POLR3A: variants seen among roughly 807,000 people sequenced by gnomAD.
POLR3A encodes the protein RNA polymerase III subunit A.
In POLR3A, 112 loss-of-function variants were observed where a neutral mutation model predicts 152.8. That is an observed-to-expected ratio of 0.73 (90% CI 0.63 to 0.86). The LOEUF (loss-of-function observed/expected upper bound fraction) is 0.86. Among genes scored for constraint, POLR3A ranks in the 40% least tolerant of loss-of-function variants. The pLI, the probability that POLR3A is intolerant of heterozygous loss-of-function variation, is 0.00. For missense variants in POLR3A, 1,385 were observed against 1,743.1 expected, an observed-to-expected ratio of 0.79 and a Z score of 3.66; for synonymous variants, 615 against 652.1, an observed-to-expected ratio of 0.94 and a Z score of 0.87.
At chr10:77,998,538 A>T (rs181756049) in intron 19 of POLR3A, among the ~76,000 whole-genome samples, 5 of 152,364 alleles carry the variant, frequency 3.3e-5, no homozygotes, top group African/African-American at 1.2e-4. Flanking sequence ...CAGCCAAAGG[A>T]CACATGAAAC....
intron 29 of POLR3A, among the ~76,000 whole-genome samples, chr10:77,981,153 A>T (rs1273933177): frequency 2.0e-5 from 3 of 152,124 alleles, no homozygotes; most frequent in Non-Finnish European, 4.4e-5. Context: ...TTAGGATGAC[A>T]TTCAGGATGA....
In POLR3A at chr10:78,029,413, C is replaced by A. The variant is rs777407560; in HGVS notation, c.-6G>T. On this transcript the variant is annotated 5_prime_UTR_variant, in exon 1 of 31. Coordinates refer to ENST00000372371, the MANE Select transcript of POLR3A (RefSeq NM_007055.4). ...CGGAACTGCTCCTTCACCATGATGA[C>A]CGCTGCCGGGACGCCTCCTTGGCAC... The A allele has an allele frequency of 1.5e-5, 25 of 1,614,092 alleles. No homozygotes were observed. The South Asian group carries it at 2.5e-4, about 16-fold the overall frequency.
At chr10:77,997,411 A>C (rs1847311796) in intron 19 of POLR3A, among the ~76,000 whole-genome samples, 2 of 152,172 alleles carry the variant, frequency 1.3e-5, no homozygotes, top group South Asian at 4.2e-4. Context: ...TAGAAAACCC[A>C]ATCGTTTCAG....
In POLR3A at chr10:78,004,744, G is replaced by C. The variant is rs369810361; in HGVS notation, c.2219C>G (p.Pro740Arg). 6.2e-6 allele frequency: 10 copies of C among 1,613,704 alleles called. No homozygotes were observed. Among genetic ancestry groups the C allele is most frequent in the Non-Finnish European group, 8.5e-6 (10 of 1,179,840 alleles). ...ALNTGKLQQQ[P>R]GCTAEETLEA... ...CAGGGTCTCCTCAGCAGTGCAGCCAGGCTGCTGCTGCAGCTTGCCCGTGTT... is the reference window on the plus strand; with the variant it reads ...CAGGGTCTCCTCAGCAGTGCAGCCACGCTGCTGCTGCAGCTTGCCCGTGTT... Residue 740 changes from proline (P) to arginine (R), a missense_variant, in exon 16 of 31, where the codon CCT becomes CGT. Transcript: ENST00000372371.
At chr10:78,015,048 G>C (rs775678416) in intron 10 of POLR3A, among the ~76,000 whole-genome samples, 18 of 152,206 alleles carry the variant, frequency 1.2e-4, no homozygotes, top group Non-Finnish European at 2.4e-4. Flanking sequence ...ACAATTTTGA[G>C]ACAAATGGGG....
At chr10:77,999,450 A>C (rs780233276) in intron 19 of POLR3A, among the ~76,000 whole-genome samples, 1 of 152,178 alleles carries the variant, frequency 6.6e-6, no homozygotes, top group Non-Finnish European at 1.5e-5. Flanking sequence ...AAGTTTGAGA[A>C]GCACAAATGC....
chr10:78,020,704 C>T (rs1264315590), intron 8 of POLR3A, among the ~76,000 whole-genome samples: 2 of 152,042 alleles, frequency 1.3e-5, no homozygotes, highest in East Asian at 1.9e-4. Context: ...AGGAGAATGG[C>T]GTGAACCTGG....
At chr10:78,021,376 C>T (rs1439279098) in intron 8 of POLR3A, among the ~76,000 whole-genome samples, 170 bp downstream of exon 8, 1 of 152,128 alleles carries the variant, frequency 6.6e-6, no homozygotes, top group Non-Finnish European at 1.5e-5. Context: ...AGAATATATA[C>T]CACCAACTAT....
chr10:77,987,309 G>C (rs1043591827), intron 21 of POLR3A, among the ~76,000 whole-genome samples: 1 of 152,148 alleles, frequency 6.6e-6, no homozygotes, highest in African/African-American at 2.4e-5. Context: ...AGAGGAGATA[G>C]ACTGCCCCTC....
intron 14 of POLR3A, 37 bp from the exon 15 acceptor site, chr10:78,007,903 TATTA>T (rs766137502): frequency 1.3e-6 from 2 of 1,569,388 alleles, no homozygotes; most frequent in African/African-American, 1.3e-5. Flanking sequence ...AACAATTATT[TATTA>T]CTTTGCCTTA....
chr10:77,976,316 G>A lies in POLR3A; in HGVS notation c.*1162C>T, dbSNP rs1847088669. On this transcript the variant is annotated 3_prime_UTR_variant, in exon 31 of 31. Coordinates refer to ENST00000372371, the MANE Select transcript of POLR3A (RefSeq NM_007055.4). ...GGCTAATTTTTGTATTCTCTGTAGA[G>A]ACGGGGTTTCGTCATGTTGCCCAGG... 1 of 152,032 alleles carries A rather than the reference G, an allele frequency of 6.6e-6. No homozygotes were observed. Among genetic ancestry groups the A allele is most frequent in the South Asian group, 2.1e-4 (1 of 4,816 alleles). 9.4% of individuals were successfully genotyped at this position (152,032 alleles called of 1,614,324 possible). A position where few individuals can be genotyped will look rare whatever the true frequency, so the allele number is the denominator to read the frequency against.
At chr10:78,022,109 T>C (rs1208627595) in intron 6 of POLR3A, 36 bp downstream of exon 6, 6 of 1,614,022 alleles carry the variant, frequency 3.7e-6, no homozygotes, top group African/African-American at 2.7e-5. Flanking sequence ...TGGATAGATA[T>C]ACTATGAAAC....
intron 1 of POLR3A, 36 bp downstream of exon 1, chr10:78,029,328 T>C (rs1175951460): frequency 6.2e-7 from 1 of 1,612,296 alleles, no homozygotes; most frequent in Non-Finnish European, 8.5e-7. Context: ...CCTTGCCCTA[T>C]TTCTCAGCCC....
intron 1 of POLR3A, among the ~76,000 whole-genome samples, chr10:78,027,414 C>T (rs2131962800): frequency 6.6e-6 from 1 of 152,318 alleles, no homozygotes; most frequent in Admixed American, 6.5e-5. Context: ...AATCCCAGCA[C>T]TTTGGGAGGC....
Position 77,976,612 on chromosome 10 carries a change from G to A in POLR3A, c.*866C>T, listed in dbSNP as rs1847091513. 6.6e-6 allele frequency: 1 copy of A among 152,152 alleles called. No homozygotes were observed. The highest frequency in any genetic ancestry group is 1.5e-5 in the Non-Finnish European group (1 of 68,046). 9.4% of individuals were successfully genotyped at this position (152,152 alleles called of 1,614,324 possible). A position where few individuals can be genotyped will look rare whatever the true frequency, so the allele number is the denominator to read the frequency against. On this transcript the variant is annotated 3_prime_UTR_variant, in exon 31 of 31. Coordinates refer to ENST00000372371, the MANE Select transcript of POLR3A (RefSeq NM_007055.4). ...AACTCAGAACTTAAAAAATCAACTA[G>A]AGATCATCCAAGGAACGTAAGTATA... is the stretch of plus-strand genomic sequence containing the variant.
At chr10:78,020,615 C>T (rs559941372) in intron 8 of POLR3A, among the ~76,000 whole-genome samples, 5 of 151,706 alleles carry the variant, frequency 3.3e-5, no homozygotes, top group South Asian at 2.1e-4. Flanking sequence ...GGTGAAACTC[C>T]GTCTCTACTA....
chr10:77,997,204 CAT>C (rs1304501762), intron 19 of POLR3A, among the ~76,000 whole-genome samples: 5 of 152,104 alleles, frequency 3.3e-5, no homozygotes, highest in African/African-American at 4.8e-5. Flanking sequence ...CAGCCAATAT[CAT>C]ATTGAATGGG....
In POLR3A at chr10:77,991,098, T is replaced by C. The variant is rs758078048; in HGVS notation, c.2857A>G (p.Met953Val). 6.8e-6 allele frequency: 11 copies of C among 1,613,698 alleles called. No individual in the cohort carries two copies. The highest frequency in any genetic ancestry group is 9.3e-6 in the Non-Finnish European group (11 of 1,179,676). The change falls in exon 21 of 31, where the codon ATG (methionine) becomes GTG (valine). Residue 953 changes from methionine to valine, a missense_variant. Physicochemically the swap from Met to Val is conservative, Grantham distance 21 (BLOSUM62 1). Coordinates refer to ENST00000372371, the MANE Select transcript of POLR3A (RefSeq NM_007055.4). ...CAGCAGAGGAACTCACTCTTCTTCA[T>C]GATGGACTCTGTGGTCAGGATCAGC... ...NELILTTESI[M>V]KKSEFLCCQD...
intron 3 of POLR3A, 54 bp from the exon 4 acceptor site, chr10:78,025,196 T>C: frequency 6.3e-7 from 1 of 1,599,818 alleles, no homozygotes; most frequent in Non-Finnish European, 8.6e-7. Flanking sequence ...GAAAAATTAT[T>C]TTCTTTTAAA....
Sources: allele counts gnomAD v4.1 joint callset (sites outside exome capture counted in the v4.1 genomes callset), GRCh38; gene constraint gnomAD v4.1.1; transcripts MANE v1.5; gene names NCBI Gene and HGNC (gene_info 2026-07-23, HGNC 2026-07-21).